GRIP1: variants seen among roughly 807,000 people sequenced by gnomAD.
GRIP1 encodes the protein glutamate receptor-interacting protein 1.
In GRIP1, 45 loss-of-function variants were observed where a neutral mutation model predicts 129.9. The observed-to-expected ratio is 0.35, with a 90% CI of 0.27 to 0.44. The LOEUF is 0.44. Among genes scored for constraint, GRIP1 ranks in the 20% least tolerant of loss-of-function variants. The pLI, the probability that GRIP1 is intolerant of heterozygous loss-of-function variation, is 1.00. For synonymous variants in GRIP1, 530 were observed against 520.8 expected (o/e 1.02, Z -0.24); for missense variants, 1,196 against 1,396.8 (o/e 0.86, Z 2.29).
chr12:66,754,845 C>T (rs1029066447), intron 1 of GRIP1, among the ~76,000 whole-genome samples: 3 of 152,074 alleles, frequency 2.0e-5, no homozygotes, highest in African/African-American at 7.2e-5. Flanking sequence ...AAGCCAATTT[C>T]CCTGAGTCTG....
chr12:66,970,182 A>C (rs941801339), intron 1 of GRIP1, among the ~76,000 whole-genome samples: 1 of 152,120 alleles, frequency 6.6e-6, no homozygotes, highest in Non-Finnish European at 1.5e-5. Flanking sequence ...CCTGGGCTCA[A>C]GTGATCCTCC....
intron 11 of GRIP1, among the ~76,000 whole-genome samples, chr12:66,446,517 C>T (rs911747114): frequency 1.3e-5 from 2 of 152,182 alleles, no homozygotes; most frequent in African/African-American, 4.8e-5. Context: ...TCATAATACT[C>T]CTTGCTCTCC....
rs570285137 is a variant in GRIP1, at chr12:66,365,105, A to G, written c.3012+6589T>C. Reference sequence around the variant, plus strand: ...TTGTACTCCATAGATGTATATAATTATTATGTGACTATTTAAAATAAAATA... The same window carrying G: ...TTGTACTCCATAGATGTATATAATTGTTATGTGACTATTTAAAATAAAATA... On this transcript the variant is annotated intron_variant, in intron 23 of 24. Transcript: ENST00000359742. 4.6e-5 allele frequency among the ~76,000 whole-genome samples: 7 copies of G among 152,316 alleles called. No individual in the cohort carries two copies. The South Asian group carries it at 1.4e-3, about 32-fold the overall frequency.
intron 1 of GRIP1, among the ~76,000 whole-genome samples, chr12:66,654,510 G>A (rs1477369691): frequency 6.6e-6 from 1 of 152,160 alleles, no homozygotes; most frequent in East Asian, 1.9e-4. Flanking sequence ...AGAGCACTAA[G>A]AAAAGAGGAG....
chr12:66,818,325 T>C (rs1265327536), intron 1 of GRIP1, among the ~76,000 whole-genome samples: 5 of 152,198 alleles, frequency 3.3e-5, no homozygotes, highest in Admixed American at 6.5e-5. Flanking sequence ...AAGTTCATAA[T>C]GGTAGATACA....
At chr12:66,602,233 C>A (rs2064308705) in intron 1 of GRIP1, among the ~76,000 whole-genome samples, 1 of 152,094 alleles carries the variant, frequency 6.6e-6, no homozygotes, top group Non-Finnish European at 1.5e-5. Context: ...CCCATAGACA[C>A]CAGCCTTCCA....
chr12:67,054,125 C>A (rs2043393119), intron 1 of GRIP1, among the ~76,000 whole-genome samples: 1 of 152,200 alleles, frequency 6.6e-6, no homozygotes, highest in Admixed American at 6.5e-5. Flanking sequence ...TAAATTGTTC[C>A]TGATTCTTCT....
rs577518452 is a variant in GRIP1, at chr12:66,476,755, A to G, written c.725-11333T>C. ...AATCAATAAACGTAATCCAGCATAT[A>G]AACAGAACCAAAGACAAAAACTACA... On this transcript the variant is annotated intron_variant, in intron 7 of 24. Transcript: ENST00000359742. 2.6e-5 allele frequency among the ~76,000 whole-genome samples: 4 copies of G among 152,338 alleles called. No homozygotes were observed. The South Asian group carries it at 6.2e-4, about 24-fold the overall frequency.
intron 1 of GRIP1, among the ~76,000 whole-genome samples, chr12:66,792,750 TGAAAA>T (rs937496243): frequency 2.0e-5 from 3 of 151,986 alleles, no homozygotes; most frequent in African/African-American, 7.3e-5. Context: ...ACCTTCTAAA[TGAAAA>T]GAAAACATAC....
chr12:66,759,832 A>T (rs2037414145), intron 1 of GRIP1, among the ~76,000 whole-genome samples: 1 of 150,328 alleles, frequency 6.7e-6, no homozygotes, highest in Non-Finnish European at 1.5e-5. Flanking sequence ...CTCAGCTTGG[A>T]CCTTATTGTT....
intron 11 of GRIP1, among the ~76,000 whole-genome samples, chr12:66,454,809 T>C (rs146149387): frequency 6.6e-6 from 1 of 152,284 alleles, no homozygotes; most frequent in East Asian, 1.9e-4. Context: ...AAGAAGTGTA[T>C]GTTAGATCAC....
intron 1 of GRIP1, among the ~76,000 whole-genome samples, chr12:67,066,888 T>TTTTTTATATATATATATATA (rs59891449): frequency 3.2e-5 from 4 of 125,662 alleles, no homozygotes; most frequent in East Asian, 2.4e-4. Context: ...AAATATATAT[T>TTTTTTATATATATATATATA]TATATATATA....
At chr12:66,835,059 A>G (rs1229857670) in intron 1 of GRIP1, among the ~76,000 whole-genome samples, 1 of 152,172 alleles carries the variant, frequency 6.6e-6, no homozygotes, top group Non-Finnish European at 1.5e-5. Flanking sequence ...ACTGGGAAAA[A>G]TATTTGCAAA....
intron 1 of GRIP1, among the ~76,000 whole-genome samples, chr12:66,843,450 T>C (rs926588269): frequency 1.3e-5 from 2 of 152,116 alleles, no homozygotes; most frequent in Non-Finnish European, 2.9e-5. Flanking sequence ...GATTTTTTGG[T>C]CAAATTCTGC....
intron 1 of GRIP1, among the ~76,000 whole-genome samples, chr12:66,990,156 C>A (rs1209475750): frequency 3.3e-5 from 5 of 152,150 alleles, no homozygotes; most frequent in Non-Finnish European, 7.4e-5. Flanking sequence ...GGGATTTGTT[C>A]TGATGATCAG....
intron 1 of GRIP1, among the ~76,000 whole-genome samples, chr12:66,813,114 C>T (rs958912752): frequency 7.9e-5 from 12 of 151,994 alleles, no homozygotes; most frequent in East Asian, 5.8e-4. Context: ...TTTTGGTTCA[C>T]GGTTCCCTAG....
chr12:66,832,247 A>C (rs1195308877), intron 1 of GRIP1, among the ~76,000 whole-genome samples: 1 of 152,204 alleles, frequency 6.6e-6, no homozygotes, highest in Non-Finnish European at 1.5e-5. Context: ...AAAATATTTT[A>C]TAGCTTCCTG....
chr12:66,474,488 A>T (rs2059543418), intron 7 of GRIP1, among the ~76,000 whole-genome samples: 1 of 152,178 alleles, frequency 6.6e-6, no homozygotes, highest in South Asian at 2.1e-4. Flanking sequence ...TGCCCCAAAG[A>T]TACCCCTTGA....
At chr12:66,853,400 TA>T (rs1379965249) in intron 1 of GRIP1, among the ~76,000 whole-genome samples, 1 of 152,046 alleles carries the variant, frequency 6.6e-6, no homozygotes, top group East Asian at 1.9e-4. Context: ...ATAGAGAAAC[TA>T]GCAGGGCAAA....
Sources: gnomAD v4.1 joint callset for allele counts (sites outside exome capture counted in the v4.1 genomes callset) on GRCh38, gnomAD v4.1.1 for gene constraint, MANE v1.5 for transcripts, NCBI Gene and HGNC (gene_info 2026-07-23, HGNC 2026-07-21) for gene names.